Variants in NAALADL2 observed in about 807,000 individuals in gnomAD.
The protein encoded by NAALADL2 is inactive N-acetylated-alpha-linked acidic dipeptidase-like protein 2.
A neutral mutation model predicts 87.2 loss-of-function variants in NAALADL2; 76 were observed. The ratio of observed to expected loss-of-function variants is 0.87; its 90% CI spans 0.72 to 1.05. NAALADL2 has a LOEUF of 1.05. NAALADL2 is among the 50% of genes least tolerant of loss of function. NAALADL2 has a pLI of 0.00. For synonymous variants in NAALADL2, 354 were observed against 331.0 expected (o/e 1.07, Z -0.75); for missense variants, 1,089 against 945.8 (o/e 1.15, Z -1.99).
chr3:175,324,621 G>C (rs1257096810), intron 5 of NAALADL2, among the ~76,000 whole-genome samples: 1 of 152,132 alleles, frequency 6.6e-6, no homozygotes, highest in Non-Finnish European at 1.5e-5. Flanking sequence ...ATTAACACCA[G>C]GTGTGACAGG....
At chr3:175,405,558 A>G (rs1712174294) in intron 5 of NAALADL2, among the ~76,000 whole-genome samples, 1 of 152,136 alleles carries the variant, frequency 6.6e-6, no homozygotes, top group African/African-American at 2.4e-5. Flanking sequence ...ATAATTTCTT[A>G]TGCATAATTA....
intron 1 of NAALADL2, among the ~76,000 whole-genome samples, chr3:175,021,524 A>C (rs1751561563): frequency 6.6e-6 from 1 of 152,002 alleles, no homozygotes; most frequent in African/African-American, 2.4e-5. Context: ...TGCACTAATA[A>C]AGGTGTGTAC....
chr3:174,930,684 C>T lies in NAALADL2; in HGVS notation c.43+71234C>T, dbSNP rs190138163. 6.2e-3 allele frequency among the ~76,000 whole-genome samples: 840 copies of T among 135,312 alleles called. 3 individuals are homozygous for T. Among genetic ancestry groups the T allele is most frequent in the Middle Eastern group, 0.019 (4 of 210 alleles). The allele number at this position is 135,312 out of a possible 152,430, so 88.8% of individuals were successfully genotyped here. On this transcript the variant is annotated intron_variant, in intron 1 of 13. Coordinates refer to ENST00000454872, the MANE Select transcript of NAALADL2 (RefSeq NM_207015.3). ...TGACCCAGGCTGGAGTCCAGTGGCG[C>T]GATCTCGGCTCACTGCAAGCTCTGC...
In NAALADL2 at chr3:175,152,006, A is replaced by G. The variant is rs186054832; in HGVS notation, c.545+54715A>G. On this transcript the variant is annotated intron_variant, in intron 2 of 13. Transcript: ENST00000454872. ...TCTTTTTTGCTATTTAACAGATTAA[A>G]AGTAATGTCTTCTTTGTAGTTTGTG... 2.5e-3 allele frequency among the ~76,000 whole-genome samples: 377 copies of G among 152,288 alleles called. 2 individuals carry two copies. Among genetic ancestry groups the G allele is most frequent in the Non-Finnish European group, 3.6e-3 (243 of 68,018 alleles).
intron 11 of NAALADL2, among the ~76,000 whole-genome samples, chr3:175,649,401 G>T (rs1238026620): frequency 3.8e-5 from 5 of 133,108 alleles, no homozygotes; most frequent in Non-Finnish European, 7.7e-5. Context: ...TCCCATAAGT[G>T]TCTCTGAAAA....
At chr3:175,668,520 A>G (rs902189501) in intron 11 of NAALADL2, among the ~76,000 whole-genome samples, 5 of 152,136 alleles carry the variant, frequency 3.3e-5, no homozygotes, top group South Asian at 2.1e-4. Flanking sequence ...TGACCACAGA[A>G]TGAGTAACAG....
intron 1 of NAALADL2, among the ~76,000 whole-genome samples, chr3:175,044,128 T>C (rs1312876131): frequency 2.0e-5 from 3 of 152,194 alleles, no homozygotes; most frequent in Non-Finnish European, 4.4e-5. Context: ...TTGATGCTAT[T>C]GTAAATGGCA....
chr3:174,930,614 CTTTTTTTTTTTT>C (rs760690405), intron 1 of NAALADL2, among the ~76,000 whole-genome samples: 8 of 66,798 alleles, frequency 1.2e-4, no homozygotes, highest in Non-Finnish European at 1.9e-4. Flanking sequence ...ATAAGATGAA[CTTTTTTTTTTTT>C]TTTTTTTTTT....
upstream of NAALADL2, chr3:174,859,149 A>G (rs116011030): frequency 9.0e-3 from 3,542 of 393,596 alleles, 120 homozygotes; most frequent in African/African-American, 0.066. Context: ...AAAAGTTTAT[A>G]TCAAAACTGA....
At chr3:175,736,015 T>A (rs527939319) in intron 11 of NAALADL2, among the ~76,000 whole-genome samples, 3 of 152,332 alleles carry the variant, frequency 2.0e-5, no homozygotes, top group Non-Finnish European at 2.9e-5. Flanking sequence ...GTGTGCTGCC[T>A]TCAGGGTTAT....
At chr3:174,949,346 C>T (rs777050528) in intron 1 of NAALADL2, among the ~76,000 whole-genome samples, 1 of 152,114 alleles carries the variant, frequency 6.6e-6, no homozygotes, top group Admixed American at 6.6e-5. Context: ...TCGAAAGTCA[C>T]ATAATATCAC....
chr3:174,912,955 T>G (rs1393966183), intron 1 of NAALADL2, among the ~76,000 whole-genome samples: 1 of 152,158 alleles, frequency 6.6e-6, no homozygotes, highest in Non-Finnish European at 1.5e-5. Flanking sequence ...TAAAAGACAT[T>G]GATGATATCT....
At chr3:175,677,223 C>T (rs1289748246) in intron 11 of NAALADL2, among the ~76,000 whole-genome samples, 8 of 151,910 alleles carry the variant, frequency 5.3e-5, no homozygotes, top group Middle Eastern at 3.4e-3. Context: ...ATTAGCTGAG[C>T]GTGGTGGTGT....
At chr3:174,861,675 A>T (rs1726525276) in intron 1 of NAALADL2, among the ~76,000 whole-genome samples, 1 of 152,116 alleles carries the variant, frequency 6.6e-6, no homozygotes, top group African/African-American at 2.4e-5. Context: ...GCTTTGAATA[A>T]TGATTTTCTA....
At position 175,755,532 on chromosome 3, in the gene NAALADL2, G is replaced by C. The variant is rs78990753; in HGVS notation, c.2189+114G>C. The C allele has an allele frequency of 9.1e-4, 640 of 701,048 alleles. 3 individuals are homozygous for C. The highest frequency in any genetic ancestry group is 6.6e-3 in the Admixed American group (162 of 24,602). 43.4% of individuals were successfully genotyped at this position (701,048 alleles called of 1,614,324 possible). On this transcript the variant is annotated intron_variant, in intron 13 of 13. Coordinates refer to ENST00000454872, the MANE Select transcript of NAALADL2 (RefSeq NM_207015.3). ...ACAGTAGTGTAAAAGAAATTATAAA[G>C]CAGTTACTCATTTGAGGAACTTCCC...
chr3:175,018,612 A>G (rs1364548578), intron 1 of NAALADL2, among the ~76,000 whole-genome samples: 1 of 152,190 alleles, frequency 6.6e-6, no homozygotes, highest in South Asian at 2.1e-4. Flanking sequence ...CCGCATACAC[A>G]TCTACCATGA....
At chr3:174,694,765 AT>A in intron 2 of NAALADL2, among the ~76,000 whole-genome samples, 1 of 152,142 alleles carries the variant, frequency 6.6e-6, no homozygotes, top group Middle Eastern at 3.4e-3. Flanking sequence ...TCCACAAAGT[AT>A]TTTTAGTGTG....
intron 1 of NAALADL2, among the ~76,000 whole-genome samples, chr3:174,878,018 A>G (rs372092814): frequency 9.9e-5 from 15 of 152,062 alleles, no homozygotes; most frequent in Admixed American, 7.2e-4. Context: ...CTTTCTATGT[A>G]TATATTTGGC....
At chr3:174,883,932 C>T (rs928288675) in intron 1 of NAALADL2, among the ~76,000 whole-genome samples, 3 of 152,308 alleles carry the variant, frequency 2.0e-5, no homozygotes, top group South Asian at 2.1e-4. Context: ...CTCTTCCTTA[C>T]CTCCACTGTG....
Sources: allele counts gnomAD v4.1 joint callset (sites outside exome capture counted in the v4.1 genomes callset), GRCh38; gene constraint gnomAD v4.1.1; transcripts MANE v1.5; gene names NCBI Gene and HGNC (gene_info 2026-07-23, HGNC 2026-07-21).